MRE11: variants seen among roughly 807,000 people sequenced by gnomAD.
MRE11 encodes MRE11 double strand break repair nuclease, also known as double-strand break repair protein MRE11.
In MRE11, 62 loss-of-function variants were observed where a neutral mutation model predicts 91.7. The observed-to-expected ratio is 0.68, with a 90% confidence interval of 0.55 to 0.84. MRE11 has a LOEUF of 0.84. Ranked by LOEUF, MRE11 falls within the 40% of genes least tolerant of loss-of-function variation. MRE11 has a pLI of 0.00. For missense variants in MRE11, 796 were observed against 852.9 expected (o/e 0.93, Z 0.83); for synonymous variants, 273 against 271.4 (o/e 1.01, Z -0.06).
In MRE11 at chr11:94,464,192, G is replaced by C; in HGVS notation, c.1146C>G (p.Ser382Arg). 2 of 1,613,840 alleles carry C rather than the reference G, an allele frequency of 1.2e-6. No individual in the cohort carries two copies. Among genetic ancestry groups the C allele is most frequent in the South Asian group, 2.2e-5 (2 of 91,076 alleles). Reference sequence around the variant, plus strand: ...TAGCTACCCGATCCACAAATTTCTGGCTAAAGCGAAGAACACTGAAAGGTT... The same window carrying C: ...TAGCTACCCGATCCACAAATTTCTGCCTAAAGCGAAGAACACTGAAAGGTT... Reference protein sequence around the residue: ...GFEPFSVLRFSQKFVDRVANP... With the variant: ...GFEPFSVLRFRQKFVDRVANP... Residue 382 changes from serine to arginine, a missense_variant, in exon 11 of 20, where the codon AGC (serine) becomes AGG (arginine). Transcript: ENST00000323929.
chr11:94,511,402 T>C, the MRE11 span, among the ~76,000 whole-genome samples: 84 of 152,302 alleles, frequency 5.5e-4, no homozygotes, highest in African/African-American at 1.8e-3. Context: ...TCTTTATAAA[T>C]TACCCAGTTT....
At chr11:94,479,846 C>A (rs1591708931) in intron 4 of MRE11, 85 bp from the exon 5 acceptor site, 1 of 1,011,032 alleles carries the variant, frequency 9.9e-7, no homozygotes, top group East Asian at 2.5e-5. Context: ...TTAATGCAAT[C>A]ATAGGCAAAC....
At chr11:94,497,817 T>G, upstream of MRE11, 1 of 399,160 alleles carries the variant, frequency 2.5e-6, no homozygotes, top group Non-Finnish European at 4.5e-6. Flanking sequence ...GGACCAGGAG[T>G]AAATGTATGG....
chr11:94,444,923 G>C (rs1211205515), intron 16 of MRE11, among the ~76,000 whole-genome samples: 1 of 151,866 alleles, frequency 6.6e-6, no homozygotes, highest in African/African-American at 2.4e-5. Flanking sequence ...CTAAATGCTA[G>C]GTAGAAAAAA....
upstream of MRE11, among the ~76,000 whole-genome samples, chr11:94,494,358 G>A (rs936792681): frequency 1.3e-5 from 2 of 152,202 alleles, no homozygotes; most frequent in African/African-American, 4.8e-5. Context: ...ACTGCTTTGT[G>A]CTGAGAGCAG....
intron 11 of MRE11, among the ~76,000 whole-genome samples, chr11:94,462,124 C>T (rs984022420): frequency 6.6e-6 from 1 of 151,882 alleles, no homozygotes; most frequent in Non-Finnish European, 1.5e-5. Context: ...CACAGCATTC[C>T]TACACCAATA....
chr11:94,485,821 A>G, intron 4 of MRE11, 103 bp downstream of exon 4: 1 of 1,086,138 alleles, frequency 9.2e-7, no homozygotes, highest in Non-Finnish European at 1.4e-6. Flanking sequence ...ATTTACTAAG[A>G]AAATAGCTTA....
chr11:94,503,826 CAAAAAAAAAA>C, the MRE11 span, among the ~76,000 whole-genome samples: 7 of 87,250 alleles, frequency 8.0e-5, no homozygotes, highest in South Asian at 2.7e-3. Context: ...GACTCCGTCT[CAAAAAAAAAA>C]AAAAAAAAAA....
At chr11:94,446,386 A>T (rs1396278759) in intron 15 of MRE11, among the ~76,000 whole-genome samples, 1 of 152,198 alleles carries the variant, frequency 6.6e-6, no homozygotes, top group Non-Finnish European at 1.5e-5. Context: ...CAGCCTGGGC[A>T]ACAGAGCAAA....
intron 6 of MRE11, 99 bp downstream of exon 6, chr11:94,478,636 T>G (rs1466967515): frequency 1.5e-6 from 2 of 1,374,868 alleles, no homozygotes; most frequent in African/African-American, 2.9e-5. Flanking sequence ...GAATAAGGTT[T>G]GCCCCATTTT....
intron 19 of MRE11, among the ~76,000 whole-genome samples, chr11:94,425,184 G>A (rs1945278320): frequency 6.6e-6 from 1 of 152,134 alleles, no homozygotes; most frequent in Non-Finnish European, 1.5e-5. Flanking sequence ...AGAGACTGGG[G>A]ACCTATTTTC....
At chr11:94,477,438 C>G (rs953069339) in intron 6 of MRE11, among the ~76,000 whole-genome samples, 1 of 151,944 alleles carries the variant, frequency 6.6e-6, no homozygotes, top group Non-Finnish European at 1.5e-5. Context: ...GGAGAAAAAG[C>G]CAGGATGCTA....
At chr11:94,441,216 G>A (rs1333374716) in intron 16 of MRE11, among the ~76,000 whole-genome samples, 1 of 152,102 alleles carries the variant, frequency 6.6e-6, no homozygotes, top group Non-Finnish European at 1.5e-5. Flanking sequence ...AGTTCGCTTT[G>A]GAATAAAAAG....
At chr11:94,482,671 C>T (rs1245590142) in intron 4 of MRE11, among the ~76,000 whole-genome samples, 1 of 152,096 alleles carries the variant, frequency 6.6e-6, no homozygotes, top group Non-Finnish European at 1.5e-5. Context: ...TGGTGGCTCA[C>T]GCCTATAATC....
At chr11:94,424,365 T>C (rs1021729293) in intron 19 of MRE11, among the ~76,000 whole-genome samples, 2 of 152,146 alleles carry the variant, frequency 1.3e-5, no homozygotes, top group African/African-American at 4.8e-5. Context: ...TTGACTATAC[T>C]CGACTTACAC....
the MRE11 span, among the ~76,000 whole-genome samples, chr11:94,500,037 T>C: frequency 6.6e-6 from 1 of 152,176 alleles, no homozygotes; most frequent in Admixed American, 6.5e-5. Flanking sequence ...AGGGAGATGC[T>C]TTGTGGCAGA....
chr11:94,415,961 C>T lies in MRE11; in HGVS notation c.*4164G>A, dbSNP rs1591615809. The T allele has an allele frequency of 6.6e-6, 1 of 152,386 alleles. No homozygotes were observed. Among genetic ancestry groups the T allele is most frequent in the South Asian group, 2.1e-4 (1 of 4,808 alleles). 9.4% of individuals were successfully genotyped at this position (152,386 alleles called of 1,614,324 possible). A position where few individuals can be genotyped will look rare whatever the true frequency, so the allele number is the denominator to read the frequency against. The stretch of plus-strand genomic sequence containing the variant: ...GAGTAGTTGGGATTACAGGCGCCCA[C>T]CACCATGCCTGGCTAATTTTTGTAT... On this transcript the variant is annotated 3_prime_UTR_variant, in exon 20 of 20. Coordinates refer to ENST00000323929, the MANE Select transcript of MRE11 (RefSeq NM_005591.4).
chr11:94,477,521 C>A (rs1402189927), intron 6 of MRE11, among the ~76,000 whole-genome samples: 1 of 152,078 alleles, frequency 6.6e-6, no homozygotes, highest in Non-Finnish European at 1.5e-5. Flanking sequence ...TAGAGAGGGT[C>A]TCAGAAGAAA....
At chr11:94,484,670 G>C (rs761541682) in intron 4 of MRE11, among the ~76,000 whole-genome samples, 2 of 152,136 alleles carry the variant, frequency 1.3e-5, no homozygotes, top group African/African-American at 4.8e-5. Flanking sequence ...TTGATGTCAC[G>C]CACCTCCTGA....
Sources: gnomAD v4.1 joint callset for allele counts (sites outside exome capture counted in the v4.1 genomes callset) on GRCh38, gnomAD v4.1.1 for gene constraint, MANE v1.5 for transcripts, NCBI Gene and HGNC (gene_info 2026-07-23, HGNC 2026-07-21) for gene names.